ZFHX3: variants seen among roughly 807,000 people sequenced by gnomAD.
ZFHX3 encodes the protein zinc finger homeobox protein 3.
Under a neutral mutation model 279.1 loss-of-function variants are expected in ZFHX3, and 42 were observed. The ratio of observed to expected loss-of-function variants is 0.15; its 90% confidence interval spans 0.12 to 0.19. The LOEUF (loss-of-function observed/expected upper bound fraction) is 0.19. Among genes scored for constraint, ZFHX3 ranks in the 10% least tolerant of loss-of-function variants. The pLI is 1.00. For missense variants in ZFHX3, 4,981 were observed against 4,754.0 expected, an observed-to-expected ratio of 1.05 and a Z score of -1.40; for synonymous variants, 2,293 against 1,957.8, an observed-to-expected ratio of 1.17 and a Z score of -4.52.
chr16:73,551,353 A>T (rs2020201967), intron 2 of ZFHX3, among the ~76,000 whole-genome samples: 3 of 152,250 alleles, frequency 2.0e-5, no homozygotes, highest in Admixed American at 2.0e-4. Flanking sequence ...AAGAAAAAAA[A>T]AGTACAAATG....
chr16:73,477,199 T>C (rs1411317162), intron 2 of ZFHX3, among the ~76,000 whole-genome samples: 3 of 152,214 alleles, frequency 2.0e-5, no homozygotes, highest in Non-Finnish European at 4.4e-5. Flanking sequence ...CTTCTTAAAA[T>C]AACTACCGAT....
intron 7 of ZFHX3, among the ~76,000 whole-genome samples, chr16:73,129,208 C>T (rs546185579): frequency 3.3e-5 from 5 of 152,084 alleles, no homozygotes; most frequent in South Asian, 2.1e-4. Flanking sequence ...GCCAACACGG[C>T]GAAATCCCGT....
chr16:73,873,816 G>A (rs1430059955), intron 1 of ZFHX3, among the ~76,000 whole-genome samples: 1 of 152,136 alleles, frequency 6.6e-6, no homozygotes, highest in Non-Finnish European at 1.5e-5. Context: ...AGAGGAGGAA[G>A]GCTAAATGGC....
At chr16:73,880,024 G>A (rs549528651) in intron 1 of ZFHX3, among the ~76,000 whole-genome samples, 2 of 152,156 alleles carry the variant, frequency 1.3e-5, no homozygotes, top group East Asian at 3.9e-4. Flanking sequence ...CATTTTTAAA[G>A]GAACTAAGAA....
chr16:73,433,399 G>A (rs752419144), intron 3 of ZFHX3, among the ~76,000 whole-genome samples: 1 of 152,130 alleles, frequency 6.6e-6, no homozygotes, highest in Admixed American at 6.5e-5. Flanking sequence ...CATCTTGCAG[G>A]TAGACAATAG....
intron 2 of ZFHX3, among the ~76,000 whole-genome samples, chr16:73,636,889 TA>T (rs1269357771): frequency 2.0e-5 from 3 of 152,238 alleles, no homozygotes; most frequent in African/African-American, 4.8e-5. Flanking sequence ...TTATTTGGGC[TA>T]GGGGTAGAAT....
intron 2 of ZFHX3, among the ~76,000 whole-genome samples, chr16:73,576,766 T>A (rs2051804253): frequency 6.6e-6 from 1 of 152,120 alleles, no homozygotes; most frequent in African/African-American, 2.4e-5. Context: ...TGCAGGTTTG[T>A]TATATAGGTA....
At chr16:72,854,934 T>TGG (rs1407142094) in intron 4 of ZFHX3, among the ~76,000 whole-genome samples, 1 of 7,004 alleles carries the variant, frequency 1.4e-4, no homozygotes, top group Non-Finnish European at 2.7e-4. Context: ...CACAAATTGG[T>TGG]GGGTGGGGGG....
intron 1 of ZFHX3, among the ~76,000 whole-genome samples, chr16:72,974,504 G>T (rs1481875167): frequency 6.6e-6 from 1 of 151,994 alleles, no homozygotes; most frequent in South Asian, 2.1e-4. Context: ...CTGGCACGAG[G>T]CTCCGGAACT....
At chr16:73,347,790 A>G (rs966390791) in intron 3 of ZFHX3, among the ~76,000 whole-genome samples, 1 of 152,230 alleles carries the variant, frequency 6.6e-6, no homozygotes, top group South Asian at 2.1e-4. Context: ...CCAGAGCTCC[A>G]TGGTGCAGAT....
In ZFHX3 at chr16:72,796,062, G is replaced by C. The variant is rs2143425618; in HGVS notation, c.6620C>G (p.Ser2207Cys). 1 of 1,614,178 alleles carries C rather than the reference G, an allele frequency of 6.2e-7. No individual in the cohort carries two copies. Among genetic ancestry groups the C allele is most frequent in the Non-Finnish European group, 8.5e-7 (1 of 1,180,034 alleles). ...AGGAGGATTACTGAAGTTGTAAGGG[G>C]AGTCCTTGTTACGCTGCCTCTCTTT... Reference protein sequence around the residue: ...LFKERQRNKDSPYNFSNPPIT... With the variant: ...LFKERQRNKDCPYNFSNPPIT... The change falls in exon 9 of 10, where the codon TCC (serine) becomes TGC (cysteine). Residue 2207 changes from serine (S) to cysteine (C), a missense_variant. By Grantham distance (112) the Ser-to-Cys change is moderately radical (BLOSUM62 -1). Transcript: ENST00000268489.
chr16:73,231,844 C>T (rs1300040941), intron 5 of ZFHX3, among the ~76,000 whole-genome samples: 1 of 152,170 alleles, frequency 6.6e-6, no homozygotes, highest in Non-Finnish European at 1.5e-5. Context: ...GCTCCAAAGC[C>T]CTGCCTTGGA....
At chr16:73,588,796 TTCTC>T (rs2051956423) in intron 2 of ZFHX3, among the ~76,000 whole-genome samples, 1 of 150,456 alleles carries the variant, frequency 6.6e-6, no homozygotes, top group East Asian at 1.9e-4. Context: ...CTGTAGAAAA[TTCTC>T]TATAACAAAT....
chr16:73,647,070 T>G (rs1476021674), intron 2 of ZFHX3, among the ~76,000 whole-genome samples: 1 of 150,432 alleles, frequency 6.6e-6, no homozygotes, highest in African/African-American at 2.4e-5. Flanking sequence ...TTGGAGTGTG[T>G]GGCGCGATCT....
At chr16:73,823,670 G>C (rs1960816285) in intron 1 of ZFHX3, among the ~76,000 whole-genome samples, 1 of 152,190 alleles carries the variant, frequency 6.6e-6, no homozygotes, top group African/African-American at 2.4e-5. Context: ...TGGCAGAATG[G>C]AGAGTTGCTA....
chr16:73,390,075 A>T (rs985326338), intron 3 of ZFHX3, among the ~76,000 whole-genome samples: 9 of 152,070 alleles, frequency 5.9e-5, no homozygotes, highest in Non-Finnish European at 1.0e-4. Context: ...AATAAATAAA[A>T]AATAAAAAAA....
At chr16:73,304,732 G>A (rs1389483014) in intron 4 of ZFHX3, among the ~76,000 whole-genome samples, 4 of 152,110 alleles carry the variant, frequency 2.6e-5, no homozygotes, top group Admixed American at 2.6e-4. Context: ...ATATGTTAAG[G>A]GAATCCAGGC....
In ZFHX3 at chr16:72,797,299, GC is replaced by G. The variant is rs1172608661; in HGVS notation, c.5382del (p.Gln1794HisfsTer20). On this transcript the variant is annotated frameshift_variant, in exon 9 of 10. Transcript: ENST00000268489. LOFTEE classifies it high-confidence loss of function. ...TETLLQLQQQQHLLFPFYIPS... is the reference protein window; with the variant it reads ...TETLLQLQQQXHLLFPFYIPS... ...GGGATGTAGAAAGGGAAGAGGAGGT[GC>G]TGCTGCTGCTGTAGTTGCAGCAGGG... 1 of 1,604,308 alleles carries G rather than the reference GC, an allele frequency of 6.2e-7. No individual in the cohort carries two copies. Among genetic ancestry groups the G allele is most frequent in the Non-Finnish European group, 8.5e-7 (1 of 1,174,626 alleles).
intron 2 of ZFHX3, among the ~76,000 whole-genome samples, chr16:73,592,762 T>A: frequency 6.7e-6 from 1 of 150,104 alleles, no homozygotes; most frequent in Non-Finnish European, 1.5e-5. Context: ...TAGAGACAAA[T>A]AGAAAGAAAC....
Sources: allele counts gnomAD v4.1 joint callset (sites outside exome capture counted in the v4.1 genomes callset), GRCh38; gene constraint gnomAD v4.1.1; transcripts MANE v1.5; gene names NCBI Gene and HGNC (gene_info 2026-07-23, HGNC 2026-07-21).